The following TDRD1 variants were observed in gnomAD, a reference collection of about 807,000 sequenced individuals.
The protein encoded by TDRD1 is tudor domain containing 1, also known as tudor domain-containing protein 1.
TDRD1 carries 37 observed loss-of-function variants against 140.6 expected under a neutral mutation model. That is an observed-to-expected ratio of 0.26 (90% CI 0.20 to 0.35). The LOEUF is 0.35. TDRD1 is among the 10% of genes least tolerant of loss of function. The pLI is 1.00. For synonymous variants in TDRD1, 506 were observed against 475.7 expected (o/e 1.06, Z -0.83); for missense variants, 1,243 against 1,393.0 (o/e 0.89, Z 1.71).
chr10:114,194,674 AT>A (rs2120345740), intron 3 of TDRD1, among the ~76,000 whole-genome samples: 1 of 134,904 alleles, frequency 7.4e-6, no homozygotes, highest in East Asian at 2.3e-4. Flanking sequence ...TTTTATCTTT[AT>A]TATCTCTTCT....
At chr10:114,207,198 T>C (rs755858156) in intron 11 of TDRD1, among the ~76,000 whole-genome samples, 2 of 152,264 alleles carry the variant, frequency 1.3e-5, no homozygotes, top group African/African-American at 2.4e-5. Context: ...GGAGTAGATA[T>C]AATTCATTGT....
chr10:114,209,503 G>C (rs917428128), intron 11 of TDRD1, among the ~76,000 whole-genome samples: 1 of 152,180 alleles, frequency 6.6e-6, no homozygotes, highest in Admixed American at 6.5e-5. Context: ...CTTATGTTGT[G>C]ATTTCTTTTG....
intron 3 of TDRD1, among the ~76,000 whole-genome samples, chr10:114,191,347 G>T (rs1424405336): frequency 6.6e-6 from 1 of 152,122 alleles, no homozygotes; most frequent in Non-Finnish European, 1.5e-5. Context: ...TATATACCTT[G>T]TTGCTTATGT....
intron 25 of TDRD1, chr10:114,228,521 C>A: frequency 4.0e-6 from 4 of 993,900 alleles, no homozygotes; most frequent in Non-Finnish European, 4.8e-6. Context: ...ATATGTTTAG[C>A]ACTTTTTGCG....
chr10:114,186,332 C>T (rs367634470), intron 1 of TDRD1, among the ~76,000 whole-genome samples: 26 of 152,174 alleles, frequency 1.7e-4, no homozygotes, highest in African/African-American at 6.0e-4. Flanking sequence ...GGCACAATCT[C>T]GGCTCACTGC....
At chr10:114,227,283 G>T (rs924551672) in exon 23 of TDRD1, 17 of 1,612,044 alleles carry the variant, frequency 1.1e-5, no homozygotes, top group Non-Finnish European at 1.4e-5. Flanking sequence ...CTCAAAGGCA[G>T]AGTGCTTTAA....
intron 6 of TDRD1, among the ~76,000 whole-genome samples, chr10:114,202,672 G>A (rs961805836): frequency 6.6e-6 from 1 of 152,178 alleles, no homozygotes; most frequent in Admixed American, 6.6e-5. Flanking sequence ...AAAAACATCC[G>A]TCGTGTCCAA....
chr10:114,218,592 A>G lies in TDRD1; in HGVS notation c.2494+8A>G. Reference sequence around the variant, plus strand: ...TACGGTGCCAGTTAGCAGGTATGGTATACAATAAGAAACTTTCTCAACTTT... The same window carrying G: ...TACGGTGCCAGTTAGCAGGTATGGTGTACAATAAGAAACTTTCTCAACTTT... On this transcript the variant is annotated splice_region_variant and intron_variant, in intron 18 of 25. Coordinates refer to ENST00000251864, the Ensembl canonical transcript of TDRD1. The G allele has an allele frequency of 6.4e-7, 1 of 1,573,210 alleles. No homozygotes were observed. Among genetic ancestry groups the G allele is most frequent in the Non-Finnish European group, 8.7e-7 (1 of 1,155,754 alleles).
chr10:114,223,903 C>G (rs1234372297), intron 21 of TDRD1, among the ~76,000 whole-genome samples: 2 of 152,182 alleles, frequency 1.3e-5, no homozygotes, highest in African/African-American at 2.4e-5. Flanking sequence ...TGCTTGTCCC[C>G]CAGACCTGAG....
intron 3 of TDRD1, among the ~76,000 whole-genome samples, chr10:114,194,484 T>C (rs750654595): frequency 1.3e-5 from 2 of 152,162 alleles, no homozygotes; most frequent in African/African-American, 2.4e-5. Context: ...TTCCCAGTAT[T>C]ATTTTCAGTA....
At chr10:114,218,837 C>T (rs1357904965) in intron 18 of TDRD1, among the ~76,000 whole-genome samples, 1 of 152,190 alleles carries the variant, frequency 6.6e-6, no homozygotes, top group Non-Finnish European at 1.5e-5. Flanking sequence ...TCCTTAAGAA[C>T]CTCCAGCGTT....
chr10:114,206,639 G>T, intron 11 of TDRD1, among the ~76,000 whole-genome samples: 3 of 131,890 alleles, frequency 2.3e-5, no homozygotes, highest in African/African-American at 5.8e-5. Context: ...TTGAGATGGA[G>T]TTTCACTCTT....
At chr10:114,227,397 ACTCT>A (rs1270371980) in intron 23 of TDRD1, 98 bp downstream of exon 23, 5 of 869,558 alleles carry the variant, frequency 5.8e-6, no homozygotes, top group Non-Finnish European at 9.3e-6. Flanking sequence ...CCCATGCCAT[ACTCT>A]CTCCTCCTCC....
chr10:114,206,824 A>G (rs1297382331), intron 11 of TDRD1, among the ~76,000 whole-genome samples: 1 of 152,084 alleles, frequency 6.6e-6, no homozygotes, highest in Admixed American at 6.6e-5. Context: ...CATGTTGGCC[A>G]GGCTGGTCTC....
rs1295642658 is a variant in TDRD1 at position 114,182,219 on chromosome 10, C to A, written c.-7+2803C>A. The stretch of plus-strand genomic sequence containing the variant: ...TTTTTGAAAGGTTGTGGTCACAGGG[C>A]AGCAACAGCTGGGAAGGGGAACCAT... On this transcript the variant is annotated intron_variant, in intron 1 of 25. Transcript: ENST00000251864. Among the ~76,000 whole-genome samples, 5 of 152,262 alleles carry A rather than the reference C, an allele frequency of 3.3e-5. No homozygotes were observed. In the East Asian group the frequency reaches 9.7e-4, roughly 29 times the overall value.
At chr10:114,178,076 C>G (rs1435233761), upstream of TDRD1, among the ~76,000 whole-genome samples, 1 of 152,066 alleles carries the variant, frequency 6.6e-6, no homozygotes, top group East Asian at 1.9e-4. Flanking sequence ...CTCCAGACCT[C>G]AAGTGATCTG....
At position 114,206,461 on chromosome 10, in the gene TDRD1, C is replaced by T. The variant is rs76619418; in HGVS notation, c.1384+131C>T. ...AAACATCCTATGAGCAATTTAAATACGCTGTTTTATATTTAGTAGTATATC... is the reference window on the plus strand; with the variant it reads ...AAACATCCTATGAGCAATTTAAATATGCTGTTTTATATTTAGTAGTATATC... On this transcript the variant is annotated intron_variant, in intron 11 of 25. Transcript: ENST00000251864. 3.7e-3 allele frequency: 2,298 copies of T among 620,126 alleles called. 35 individuals are homozygous for T. In the African/African-American group the frequency reaches 0.039, roughly 10 times the overall value. 38.4% of individuals were successfully genotyped at this position (620,126 alleles called of 1,614,324 possible).
chr10:114,210,540 T>A, intron 11 of TDRD1, 41 bp from the exon 12 acceptor site: 1 of 1,522,628 alleles, frequency 6.6e-7, no homozygotes, highest in Non-Finnish European at 8.8e-7. Flanking sequence ...TTACTTTGGA[T>A]GAAAACAAAA....
At chr10:114,227,331 G>T (rs775069271) in intron 23 of TDRD1, 32 bp downstream of exon 23, 9 of 1,440,756 alleles carry the variant, frequency 6.2e-6, no homozygotes, top group Non-Finnish European at 7.8e-6. Flanking sequence ...AATAACAGAT[G>T]TTAAGTGTGA....
Sources: gnomAD v4.1 joint callset for allele counts (sites outside exome capture counted in the v4.1 genomes callset) on GRCh38, gnomAD v4.1.1 for gene constraint, MANE v1.5 for transcripts, NCBI Gene and HGNC (gene_info 2026-07-23, HGNC 2026-07-21) for gene names.